PMFBP1: variants seen among roughly 807,000 people sequenced by gnomAD.
PMFBP1 encodes the protein polyamine-modulated factor 1-binding protein 1.
Under a neutral mutation model 137.8 loss-of-function variants are expected in PMFBP1, and 131 were observed. The observed-to-expected ratio is 0.95, with a 90% CI of 0.82 to 1.10. PMFBP1 has a LOEUF of 1.10. Among genes scored for constraint, PMFBP1 ranks in the 50% least tolerant of loss-of-function variants. The probability of loss-of-function intolerance (pLI) is 0.00; values close to 1 mark genes in which losing one functional copy is unlikely to be tolerated. For synonymous variants in PMFBP1, 490 were observed against 450.4 expected (o/e 1.09, Z -1.11); for missense variants, 1,199 against 1,175.4 (o/e 1.02, Z -0.29).
At chr16:72,157,729 G>A (rs1234082908) in intron 3 of PMFBP1, among the ~76,000 whole-genome samples, 3 of 152,192 alleles carry the variant, frequency 2.0e-5, no homozygotes, top group African/African-American at 7.2e-5. Flanking sequence ...CACACTGGCT[G>A]TTTATTGGAA....
chr16:72,154,399 T>C lies in PMFBP1; in HGVS notation c.226A>G (p.Lys76Glu), dbSNP rs2042951626. The C allele has an allele frequency of 6.2e-6, 10 of 1,614,196 alleles. No individual in the cohort carries two copies. In the Middle Eastern group the frequency reaches 4.9e-4, roughly 80 times the overall value. ...TGGAGTTGTCTCAGATGACACTGTT[T>C]ACTGGACCCAAATTCCACCTCTGAC... is the stretch of plus-strand genomic sequence containing the variant. ...EESEVEFGSS[K>E]QCHLRQLQQL... The change falls in exon 4 of 21, where the codon AAA becomes GAA. Residue 76 changes from lysine to glutamate, a missense_variant. Lys to Glu is a moderately conservative substitution (Grantham distance 56, BLOSUM62 1). Coordinates refer to ENST00000237353, the MANE Select transcript of PMFBP1 (RefSeq NM_031293.3).
chr16:72,201,625 T>C, the PMFBP1 span, among the ~76,000 whole-genome samples: 2 of 152,180 alleles, frequency 1.3e-5, no homozygotes, highest in Admixed American at 1.3e-4. Context: ...TCCTTTAACA[T>C]TGAAGCAGAT....
At chr16:72,180,087 A>C (rs2043271083), upstream of PMFBP1, among the ~76,000 whole-genome samples, 1 of 152,144 alleles carries the variant, frequency 6.6e-6, no homozygotes, top group South Asian at 2.1e-4. Flanking sequence ...CGCACAGTAC[A>C]TGAGCAACCT....
At chr16:72,183,258 T>A in the PMFBP1 span, among the ~76,000 whole-genome samples, 104 of 152,194 alleles carry the variant, frequency 6.8e-4, no homozygotes, top group Non-Finnish European at 1.5e-4. Flanking sequence ...TAACAGGAAG[T>A]CTCATATGCA....
At chr16:72,224,148 C>G in the PMFBP1 span, among the ~76,000 whole-genome samples, 3 of 152,196 alleles carry the variant, frequency 2.0e-5, no homozygotes, top group Non-Finnish European at 4.4e-5. Context: ...TGAGAAGTTT[C>G]ATCAGCAACT....
the PMFBP1 span, among the ~76,000 whole-genome samples, chr16:72,234,348 A>G: frequency 1.3e-5 from 2 of 152,206 alleles, no homozygotes; most frequent in Admixed American, 6.5e-5. Flanking sequence ...AAGGAGGACA[A>G]TGAGCAGAAG....
At chr16:72,212,473 G>T in the PMFBP1 span, among the ~76,000 whole-genome samples, 3 of 147,372 alleles carry the variant, frequency 2.0e-5, no homozygotes. Context: ...ATTTGTAACG[G>T]GTTGTATTGG....
At chr16:72,186,220 A>T in the PMFBP1 span, among the ~76,000 whole-genome samples, 1 of 152,328 alleles carries the variant, frequency 6.6e-6, no homozygotes, top group East Asian at 1.9e-4. Context: ...CAGCTCTCCC[A>T]GAATAACTTT....
At chr16:72,209,563 C>T in the PMFBP1 span, among the ~76,000 whole-genome samples, 6 of 151,896 alleles carry the variant, frequency 4.0e-5, no homozygotes, top group Admixed American at 3.9e-4. Context: ...ACATTGTCAT[C>T]ATAATATATG....
chr16:72,231,285 T>C, the PMFBP1 span, among the ~76,000 whole-genome samples: 8 of 152,242 alleles, frequency 5.3e-5, no homozygotes, highest in African/African-American at 1.9e-4. Flanking sequence ...GTAACAACCT[T>C]TTCTCCTCTC....
At chr16:72,208,709 G>A in the PMFBP1 span, among the ~76,000 whole-genome samples, 3 of 152,312 alleles carry the variant, frequency 2.0e-5, no homozygotes, top group South Asian at 6.2e-4. Flanking sequence ...TTCAACATTG[G>A]TGCAGAAGAA....
the PMFBP1 span, among the ~76,000 whole-genome samples, chr16:72,227,380 A>G: frequency 6.6e-6 from 1 of 152,164 alleles, no homozygotes; most frequent in Non-Finnish European, 1.5e-5. Flanking sequence ...TTATGCTTCC[A>G]ATGATTAAAG....
chr16:72,125,920 G>A (rs750925789), intron 15 of PMFBP1, 48 bp downstream of exon 15: 13 of 1,593,076 alleles, frequency 8.2e-6, no homozygotes, highest in South Asian at 6.8e-5. Context: ...CTACCTTGAC[G>A]TTTCCTTGCC....
At chr16:72,125,110 G>T in intron 16 of PMFBP1, 128 bp downstream of exon 16, 1 of 1,411,806 alleles carries the variant, frequency 7.1e-7, no homozygotes. Flanking sequence ...TGAAGTTCAG[G>T]GAGCCAAGAA....
At chr16:72,169,674 AACACACACAC>A (rs34867741) in intron 2 of PMFBP1, among the ~76,000 whole-genome samples, 3 of 150,346 alleles carry the variant, frequency 2.0e-5, no homozygotes, top group Non-Finnish European at 3.0e-5. Flanking sequence ...AAGAAAGATA[AACACACACAC>A]ACACACACAC....
At chr16:72,137,638 G>C (rs2042652806) in intron 7 of PMFBP1, among the ~76,000 whole-genome samples, 1 of 152,162 alleles carries the variant, frequency 6.6e-6, no homozygotes, top group Admixed American at 6.5e-5. Flanking sequence ...GGGAGAGCTG[G>C]AGGAGACGAG....
At chr16:72,158,839 A>T (rs2043020595) in intron 3 of PMFBP1, among the ~76,000 whole-genome samples, 1 of 151,964 alleles carries the variant, frequency 6.6e-6, no homozygotes, top group South Asian at 2.1e-4. Flanking sequence ...TATAAAAAGT[A>T]AAAAAATTAG....
chr16:72,223,565 T>C, the PMFBP1 span, among the ~76,000 whole-genome samples: 1 of 152,190 alleles, frequency 6.6e-6, no homozygotes, highest in African/African-American at 2.4e-5. Flanking sequence ...TTGAATACCA[T>C]GCTGGACCAA....
chr16:72,196,887 T>C, the PMFBP1 span, among the ~76,000 whole-genome samples: 1 of 152,246 alleles, frequency 6.6e-6, no homozygotes, highest in Non-Finnish European at 1.5e-5. Context: ...ATAGCCCTAA[T>C]ATTGCTGATA....
Sources: gnomAD v4.1 joint callset for allele counts (sites outside exome capture counted in the v4.1 genomes callset) on GRCh38, gnomAD v4.1.1 for gene constraint, MANE v1.5 for transcripts, NCBI Gene and HGNC (gene_info 2026-07-23, HGNC 2026-07-21) for gene names.